VAV2: variants seen among roughly 807,000 people sequenced by gnomAD.
The protein encoded by VAV2 is guanine nucleotide exchange factor VAV2.
In VAV2, 67 loss-of-function variants were observed where a neutral mutation model predicts 132.5. That is an observed-to-expected ratio of 0.51 (90% confidence interval 0.42 to 0.62). The LOEUF (loss-of-function observed/expected upper bound fraction) is 0.62, where lower values mean the gene tolerates loss of function less well. Among genes scored for constraint, VAV2 ranks in the 20% least tolerant of loss-of-function variants. The pLI is 0.00. For missense variants in VAV2, 938 were observed against 1,153.6 expected (o/e 0.81, Z 2.71); for synonymous variants, 492 against 443.5 (o/e 1.11, Z -1.37).
chr9:133,888,774 T>C (rs1588317664), intron 2 of VAV2, among the ~76,000 whole-genome samples: 1 of 152,340 alleles, frequency 6.6e-6, no homozygotes, highest in South Asian at 2.1e-4. Flanking sequence ...TCCCAGCGGC[T>C]GGCTGCAAGA....
chr9:133,988,268 C>A (rs529797051), intron 1 of VAV2, among the ~76,000 whole-genome samples: 1 of 151,830 alleles, frequency 6.6e-6, no homozygotes, highest in Non-Finnish European at 1.5e-5. Context: ...AGACACACAC[C>A]GTGACAACCC....
intron 2 of VAV2, among the ~76,000 whole-genome samples, chr9:133,937,499 T>TGTGC (rs1200132200): frequency 1.1e-3 from 39 of 34,700 alleles, no homozygotes; most frequent in Non-Finnish European, 1.3e-3. Flanking sequence ...CAAGAGTGTG[T>TGTGC]GCGTGTGAGT....
At chr9:133,932,343 G>A (rs748660147) in intron 2 of VAV2, among the ~76,000 whole-genome samples, 21 of 152,178 alleles carry the variant, frequency 1.4e-4, no homozygotes, top group Non-Finnish European at 2.6e-4. Context: ...CACCCTTCAC[G>A]CTCGGCCATA....
intron 6 of VAV2, 31 bp downstream of exon 6, chr9:133,810,160 C>T (rs114099260): frequency 4.3e-6 from 7 of 1,612,672 alleles, no homozygotes; most frequent in Middle Eastern, 1.6e-4. Flanking sequence ...GCAGGCAGGA[C>T]GTCCCCAGCC....
intron 11 of VAV2, among the ~76,000 whole-genome samples, chr9:133,795,969 G>A (rs1270796110): frequency 6.6e-6 from 1 of 152,274 alleles, no homozygotes; most frequent in Non-Finnish European, 1.5e-5. Flanking sequence ...GATAAGGGAA[G>A]GGAGTGACCG....
chr9:133,886,938 C>T (rs1379553323), intron 2 of VAV2, among the ~76,000 whole-genome samples: 4 of 152,216 alleles, frequency 2.6e-5, no homozygotes, highest in East Asian at 3.9e-4. Flanking sequence ...GGGGCAGAGG[C>T]GGCCCTTCAG....
chr9:133,875,252 A>G (rs528426273), intron 2 of VAV2, among the ~76,000 whole-genome samples: 154 of 152,276 alleles, frequency 1.0e-3, no homozygotes, highest in African/African-American at 3.3e-3. Flanking sequence ...CCGAGTGCCG[A>G]ACCCTCCGTG....
At chr9:133,925,595 G>T (rs1249862773) in intron 2 of VAV2, among the ~76,000 whole-genome samples, 1 of 152,184 alleles carries the variant, frequency 6.6e-6, no homozygotes, top group Non-Finnish European at 1.5e-5. Flanking sequence ...GGGCAGAGTG[G>T]CCAAGGAATC....
intron 1 of VAV2, 60 bp from the exon 2 acceptor site, chr9:133,939,279 A>G (rs1471764707): frequency 1.4e-6 from 2 of 1,472,682 alleles, no homozygotes; most frequent in Non-Finnish European, 1.9e-6. Flanking sequence ...AAGCTCTGTA[A>G]AAACCGTAAC....
At chr9:133,892,288 T>A (rs2519772) in intron 2 of VAV2, among the ~76,000 whole-genome samples, 4 of 151,168 alleles carry the variant, frequency 2.6e-5, no homozygotes, top group South Asian at 2.1e-4. Context: ...GGGGCTGTGC[T>A]GCTAGGAAGT....
rs1346610049 is a variant in VAV2, at chr9:133,991,062, C to T, written c.204+1013G>A. The stretch of plus-strand genomic sequence containing the variant: ...CTCCCTCCTTCCCAGGAACCACGTC[C>T]TAAGTCCCACTGGTGAATGGTCCCT... On this transcript the variant is annotated intron_variant, in intron 1 of 29. Transcript: ENST00000371850. The surrounding 1 kb of genome is among the most constrained non-coding windows in gnomAD (Gnocchi z 4.8). Among the ~76,000 whole-genome samples the T allele has an allele frequency of 6.6e-6, 1 of 152,206 alleles. No homozygotes were observed. The highest frequency in any genetic ancestry group is 1.5e-5 in the Non-Finnish European group (1 of 68,028).
At chr9:133,954,737 TA>T (rs1363558734) in intron 1 of VAV2, among the ~76,000 whole-genome samples, 3 of 152,054 alleles carry the variant, frequency 2.0e-5, no homozygotes, top group East Asian at 1.9e-4. Flanking sequence ...CGCAGGTGCT[TA>T]GGGGTGTACA....
intron 2 of VAV2, among the ~76,000 whole-genome samples, chr9:133,866,069 C>G (rs1400789454): frequency 6.6e-6 from 1 of 152,176 alleles, no homozygotes; most frequent in Non-Finnish European, 1.5e-5. Flanking sequence ...TCTGCACTGC[C>G]TCCATTCCAT....
chr9:133,831,201 C>T (rs578072623), intron 4 of VAV2, among the ~76,000 whole-genome samples: 6 of 152,122 alleles, frequency 3.9e-5, no homozygotes, highest in Admixed American at 2.0e-4. Context: ...TATGGGAGGC[C>T]GAGGCAGGTG....
chr9:133,967,627 C>T lies in VAV2; in HGVS notation c.204+24448G>A, dbSNP rs78371789. Among the ~76,000 whole-genome samples, 1,084 of 152,220 alleles carry T rather than the reference C, an allele frequency of 7.1e-3. 14 individuals are homozygous for T. The highest frequency in any genetic ancestry group is 0.024 in the African/African-American group (1,016 of 41,520). ...TCATTGTTAAGTGAAAAAAGCCAGA[C>T]ACAGAAAGCTAAATATCATATGGGC... On this transcript the variant is annotated intron_variant, in intron 1 of 29. Coordinates refer to ENST00000371850, the MANE Select transcript of VAV2 (RefSeq NM_001134398.2).
At chr9:133,808,726 C>T (rs370670577) in intron 7 of VAV2, among the ~76,000 whole-genome samples, 1 of 152,136 alleles carries the variant, frequency 6.6e-6, no homozygotes. Flanking sequence ...GGGGGGAATA[C>T]GCGAGGAGCT....
intron 2 of VAV2, among the ~76,000 whole-genome samples, chr9:133,937,545 T>TGC (rs1840972033): frequency 6.6e-6 from 1 of 151,474 alleles, no homozygotes; most frequent in African/African-American, 2.4e-5. Context: ...TGAGAGTGTG[T>TGC]GTGTGTGTGT....
At chr9:133,776,649 A>T (rs1176119942) in intron 23 of VAV2, among the ~76,000 whole-genome samples, 1 of 152,126 alleles carries the variant, frequency 6.6e-6, no homozygotes, top group Non-Finnish European at 1.5e-5. Flanking sequence ...CAGGCCACCT[A>T]GTGAGTTTGT....
rs73554666 is a variant in VAV2 at position 133,935,513 on chromosome 9, G to A, written c.321+3590C>T. ...GCAGGGACTGCAACAAATACGCCCC[G>A]GCCCAGCAAGAGGTCCCCAGGAGTC... On this transcript the variant is annotated intron_variant, in intron 2 of 29. Transcript: ENST00000371850. This position sits in a 1 kb window ranked among gnomAD's most constrained non-coding sequence, Gnocchi z 5.2. 0.014 allele frequency among the ~76,000 whole-genome samples: 2,201 copies of A among 152,238 alleles called. 52 individuals carry two copies. The highest frequency in any genetic ancestry group is 0.049 in the African/African-American group (2,040 of 41,530).
Sources: allele counts gnomAD v4.1 joint callset (sites outside exome capture counted in the v4.1 genomes callset), GRCh38; gene constraint gnomAD v4.1.1; non-coding constraint Gnocchi (gnomAD v3.1); transcripts MANE v1.5; gene names NCBI Gene and HGNC (gene_info 2026-07-23, HGNC 2026-07-21).